The following MYBL2 variants were observed in gnomAD, a reference collection of about 807,000 sequenced individuals.
The protein encoded by MYBL2 is MYB proto-oncogene like 2, also known as myb-related protein B.
In MYBL2, 28 loss-of-function variants were observed where a neutral mutation model predicts 79.9. That is an observed-to-expected ratio of 0.35 (90% CI 0.26 to 0.48). The LOEUF is 0.48. Among genes scored for constraint, MYBL2 ranks in the 20% least tolerant of loss-of-function variants. The pLI is 0.99. For synonymous variants in MYBL2, 378 were observed against 361.2 expected (o/e 1.05, Z -0.53); for missense variants, 735 against 893.9 (o/e 0.82, Z 2.27).
chr20:43,686,855 A>G lies in MYBL2; in HGVS notation c.283A>G (p.Ile95Val). 1 of 1,614,060 alleles carries G rather than the reference A, an allele frequency of 6.2e-7. No homozygotes were observed. Among genetic ancestry groups the G allele is most frequent in the South Asian group, 1.1e-5 (1 of 91,056 alleles). Residue 95 changes from isoleucine to valine, a missense_variant, in exon 5 of 14, where the codon ATC becomes GTC. Around this residue, in one of 5 missense-constraint regions of MYBL2, gnomAD observed 65 missense variants for 145.2 expected, o/e 0.45. Transcript: ENST00000217026. Reference sequence around the variant, plus strand: ...TACCCAGAGACTTTTCTCTAAGGTCATCGAGCTGGTTAAGAAGTATGGCAC... The same window carrying G: ...TACCCAGAGACTTTTCTCTAAGGTCGTCGAGCTGGTTAAGAAGTATGGCAC... ...PWTKEEDQKV[I>V]ELVKKYGTKQ...
At chr20:43,689,513 C>G (rs1236178981) in intron 5 of MYBL2, among the ~76,000 whole-genome samples, 1 of 152,148 alleles carries the variant, frequency 6.6e-6, no homozygotes, top group Non-Finnish European at 1.5e-5. Context: ...CCTAGTGCTC[C>G]TCTGTCGGCC....
chr20:43,706,263 C>T (rs961200085), intron 9 of MYBL2, among the ~76,000 whole-genome samples: 5 of 152,192 alleles, frequency 3.3e-5, no homozygotes, highest in Non-Finnish European at 7.3e-5. Context: ...AAGTGCCCAT[C>T]CCTCTATCAA....
Position 43,681,853 on chromosome 20 carries a change from C to T in MYBL2, c.184C>T (p.Pro62Ser). 1 of 1,614,186 alleles carries T rather than the reference C, an allele frequency of 6.2e-7. No individual in the cohort carries two copies. The highest frequency in any genetic ancestry group is 8.5e-7 in the Non-Finnish European group (1 of 1,180,008). ...QDWKFLASHFPNRTDQQCQYR... is the reference protein window; with the variant it reads ...QDWKFLASHFSNRTDQQCQYR... ...CTGGAAGTTCCTGGCCAGCCACTTC[C>T]CTGTGAGTACAGTCCTGCTGTGGCC... is the stretch of plus-strand genomic sequence containing the variant. The change falls in exon 3 of 14, where the codon CCT (proline) becomes TCT (serine). Residue 62 changes from proline (P) to serine (S), a missense_variant and splice_region_variant. Pro to Ser is a moderately conservative substitution (Grantham distance 74). Transcript: ENST00000217026.
rs1403049034 is a variant in MYBL2 at position 43,702,530 on chromosome 20, C to T, written c.992C>T (p.Pro331Leu). ...AWCDLSKFDL[P>L]EEPSAEDSIN... ...TGTGACCTGAGTAAATTTGACCTCC[C>T]TGAGGAACCATCTGCAGAGGACAGT... Residue 331 changes from proline (P) to leucine (L), a missense_variant, in exon 8 of 14, where the codon CCT (proline) becomes CTT (leucine). Physicochemically the swap from Pro to Leu is moderately conservative, Grantham distance 98. Around this residue, in one of 5 missense-constraint regions of MYBL2, gnomAD observed 243 missense variants for 327.2 expected, o/e 0.74. Transcript: ENST00000217026. 1 of 1,611,504 alleles carries T rather than the reference C, an allele frequency of 6.2e-7. No individual in the cohort carries two copies. The highest frequency in any genetic ancestry group is 8.5e-7 in the Non-Finnish European group (1 of 1,177,824).
chr20:43,699,946 G>A lies in MYBL2; in HGVS notation c.853G>A (p.Glu285Lys), dbSNP rs748181707. ...TGAGGACCAGGAAGGCTCCCCACCA[G>A]AAACGAGCCTGCCTTACAAGTGGGT... ...KREDQEGSPP[E>K]TSLPYKWVVE... is the part of the protein sequence containing the mutation. Residue 285 changes from glutamate (E) to lysine (K), a missense_variant, in exon 7 of 14, where the codon GAA becomes AAA. By Grantham distance (56) the Glu-to-Lys change is moderately conservative (BLOSUM62 1). Around this residue, in one of 5 missense-constraint regions of MYBL2, gnomAD observed 144 missense variants for 131.9 expected, o/e 1.09. Coordinates refer to ENST00000217026, the MANE Select transcript of MYBL2 (RefSeq NM_002466.4). 3 of 1,614,172 alleles carry A rather than the reference G, an allele frequency of 1.9e-6. No individual in the cohort carries two copies. The highest frequency in any genetic ancestry group is 1.1e-5 in the South Asian group (1 of 91,084).
intron 1 of MYBL2, among the ~76,000 whole-genome samples, chr20:43,671,819 G>A (rs1325941457): frequency 6.6e-6 from 1 of 151,126 alleles, no homozygotes; most frequent in Non-Finnish European, 1.5e-5. Flanking sequence ...AGGATTTTTT[G>A]GAGCAACTTG....
At chr20:43,672,803 A>G (rs1432499986) in intron 1 of MYBL2, among the ~76,000 whole-genome samples, 1 of 152,150 alleles carries the variant, frequency 6.6e-6, no homozygotes, top group Non-Finnish European at 1.5e-5. Context: ...TTTTTTTCCA[A>G]ATAACTAATA....
In MYBL2 at chr20:43,705,567, T is replaced by G. The variant is rs113051109; in HGVS notation, c.1505+209T>G. On this transcript the variant is annotated intron_variant, in intron 9 of 13. Transcript: ENST00000217026. ...GGCTCCACCTTTGCTTTTCCTCATT[T>G]GTATTTTTTAATTTGATAGTTTCCT... is the stretch of plus-strand genomic sequence containing the variant. Among the ~76,000 whole-genome samples the G allele has an allele frequency of 8.2e-3, 1,253 of 152,322 alleles. 9 individuals carry two copies. The highest frequency in any genetic ancestry group is 0.028 in the African/African-American group (1,181 of 41,560).
chr20:43,677,747 G>A (rs1233157103), intron 2 of MYBL2, among the ~76,000 whole-genome samples: 1 of 151,986 alleles, frequency 6.6e-6, no homozygotes, highest in African/African-American at 2.4e-5. Flanking sequence ...CTGCCCGGCC[G>A]CCCCTACTGG....
chr20:43,671,523 A>G (rs1370261679), intron 1 of MYBL2, among the ~76,000 whole-genome samples: 1 of 121,752 alleles, frequency 8.2e-6, no homozygotes, highest in East Asian at 2.5e-4. Context: ...CCCAGGCTAG[A>G]GTGCAATGGC....
At chr20:43,675,883 A>G (rs1264704038) in intron 2 of MYBL2, among the ~76,000 whole-genome samples, 1 of 147,158 alleles carries the variant, frequency 6.8e-6, no homozygotes, top group Admixed American at 7.0e-5. Flanking sequence ...TTTGTTACCT[A>G]GGTAATAAGC....
At chr20:43,701,552 T>A (rs1015746932) in intron 7 of MYBL2, among the ~76,000 whole-genome samples, 22 of 152,208 alleles carry the variant, frequency 1.4e-4, no homozygotes, top group Non-Finnish European at 1.5e-5. Context: ...TTCTAGAAGC[T>A]GAGTGAGTAA....
At chr20:43,692,571 T>G (rs544891380) in intron 6 of MYBL2, among the ~76,000 whole-genome samples, 1 of 152,334 alleles carries the variant, frequency 6.6e-6, no homozygotes, top group East Asian at 1.9e-4. Flanking sequence ...CATCTCTCCT[T>G]GCTGGTGGCC....
In MYBL2 at chr20:43,667,232, C is replaced by T; in HGVS notation, c.-52C>T. On this transcript the variant is annotated 5_prime_UTR_variant, in exon 1 of 14. Coordinates refer to ENST00000217026, the MANE Select transcript of MYBL2 (RefSeq NM_002466.4). Reference sequence around the variant, plus strand: ...GGTCCTGACCCCGGCCCGGCTCCCGCTCCGGGCTCTGCCGGCGGGCGGGCG... The same window carrying T: ...GGTCCTGACCCCGGCCCGGCTCCCGTTCCGGGCTCTGCCGGCGGGCGGGCG... The T allele has an allele frequency of 1.7e-6, 2 of 1,194,498 alleles. No individual in the cohort carries two copies. The highest frequency in any genetic ancestry group is 2.1e-6 in the Non-Finnish European group (2 of 962,464). The allele number at this position is 1,194,498 out of a possible 1,614,324, so 74.0% of individuals were successfully genotyped here. A position where few individuals can be genotyped will look rare whatever the true frequency, so the allele number is the denominator to read the frequency against.
chr20:43,673,099 G>C (rs1344418728), intron 1 of MYBL2, among the ~76,000 whole-genome samples: 1 of 151,712 alleles, frequency 6.6e-6, no homozygotes, highest in South Asian at 2.1e-4. Context: ...ATGCGCCACC[G>C]CACCCAGCTA....
At chr20:43,683,865 G>A (rs370675594) in intron 4 of MYBL2, among the ~76,000 whole-genome samples, 6 of 151,622 alleles carry the variant, frequency 4.0e-5, no homozygotes, top group South Asian at 2.1e-4. Context: ...GGAACTAGGC[G>A]TTTTTAAATT....
chr20:43,670,029 C>T (rs891783003), intron 1 of MYBL2, among the ~76,000 whole-genome samples: 1 of 152,182 alleles, frequency 6.6e-6, no homozygotes, highest in Non-Finnish European at 1.5e-5. Flanking sequence ...CACTTGAACC[C>T]AGGAGGCAGA....
At chr20:43,711,926 G>C (rs1181398315) in intron 11 of MYBL2, among the ~76,000 whole-genome samples, 2 of 152,128 alleles carry the variant, frequency 1.3e-5, no homozygotes, top group Non-Finnish European at 2.9e-5. Flanking sequence ...GTGTTCAGGG[G>C]GCAGAGACAG....
rs1180946145 is a variant in MYBL2, at chr20:43,667,368, A to T, written c.20+65A>T. 3.8e-6 allele frequency: 4 copies of T among 1,055,576 alleles called. No homozygotes were observed. The Admixed American group carries it at 1.4e-4, about 38-fold the overall frequency. The allele number at this position is 1,055,576 out of a possible 1,614,324, so 65.4% of individuals were successfully genotyped here. On this transcript the variant is annotated intron_variant, in intron 1 of 13. Coordinates refer to ENST00000217026, the MANE Select transcript of MYBL2 (RefSeq NM_002466.4). ...TTTAACTCACCCCTCCCCCACCCAG[A>T]TACCCCCGACCCTCCCCAGGCTCCC...
Sources: allele counts gnomAD v4.1 joint callset (sites outside exome capture counted in the v4.1 genomes callset), GRCh38; gene constraint gnomAD v4.1.1; regional missense constraint gnomAD v4.1.1; transcripts MANE v1.5; gene names NCBI Gene and HGNC (gene_info 2026-07-23, HGNC 2026-07-21).